KCNIP4: variants seen among roughly 807,000 people sequenced by gnomAD.
The protein encoded by KCNIP4 is potassium voltage-gated channel interacting protein 4, also known as Kv channel-interacting protein 4.
In KCNIP4, 12 loss-of-function variants were observed where a neutral mutation model predicts 34.0. That is an observed-to-expected ratio of 0.35 (90% CI 0.23 to 0.57). The LOEUF is 0.57. KCNIP4 is among the 20% of genes least tolerant of loss of function. The pLI, the probability that KCNIP4 is intolerant of heterozygous loss-of-function variation, is 0.83. For missense variants in KCNIP4, 238 were observed against 311.7 expected (o/e 0.76, Z 1.78); for synonymous variants, 124 against 102.2 (o/e 1.21, Z -1.29).
intron 1 of KCNIP4, among the ~76,000 whole-genome samples, chr4:21,137,052 A>G (rs190009243): frequency 8.5e-5 from 13 of 152,220 alleles, no homozygotes. Context: ...GAATTCATGA[A>G]CACATCAGGC....
At chr4:21,775,828 G>A (rs962018643) in intron 1 of KCNIP4, among the ~76,000 whole-genome samples, 6 of 152,216 alleles carry the variant, frequency 3.9e-5, no homozygotes, top group Non-Finnish European at 7.3e-5. Flanking sequence ...AGCACAGCCT[G>A]GAGCTATGGA....
At chr4:21,252,246 G>T (rs1760763666) in intron 1 of KCNIP4, among the ~76,000 whole-genome samples, 2 of 150,950 alleles carry the variant, frequency 1.3e-5, no homozygotes, top group African/African-American at 2.4e-5. Flanking sequence ...TTCTGCCTCA[G>T]CCTCCCGAGT....
chr4:21,738,869 A>T (rs1716202331), intron 1 of KCNIP4, among the ~76,000 whole-genome samples: 1 of 152,168 alleles, frequency 6.6e-6, no homozygotes, highest in Admixed American at 6.5e-5. Context: ...ATACATGATG[A>T]TCTATCATTA....
chr4:21,678,767 C>T (rs1750115298), intron 1 of KCNIP4, among the ~76,000 whole-genome samples: 1 of 152,156 alleles, frequency 6.6e-6, no homozygotes, highest in African/African-American at 2.4e-5. Flanking sequence ...TCTATCTTGA[C>T]TACTCTATTT....
chr4:21,332,281 C>T (rs11727207), intron 1 of KCNIP4, among the ~76,000 whole-genome samples: 54,238 of 151,532 alleles, frequency 0.36, 9,898 homozygotes, highest in Middle Eastern at 0.43. Context: ...CGGAAATTAA[C>T]CCAAGGATTC....
At chr4:21,696,247 T>C (rs1422362089) in intron 1 of KCNIP4, among the ~76,000 whole-genome samples, 5 of 152,148 alleles carry the variant, frequency 3.3e-5, no homozygotes, top group Admixed American at 2.0e-4. Context: ...TAATTGTATA[T>C]GCAGTTTAGT....
chr4:21,291,046 A>T (rs767573946), intron 1 of KCNIP4, among the ~76,000 whole-genome samples: 4 of 152,194 alleles, frequency 2.6e-5, no homozygotes, highest in Non-Finnish European at 4.4e-5. Flanking sequence ...TAGAGCAGGG[A>T]TTGTAGTCAG....
intron 1 of KCNIP4, among the ~76,000 whole-genome samples, chr4:21,045,120 T>C (rs556604917): frequency 6.6e-6 from 1 of 152,338 alleles, no homozygotes; most frequent in African/African-American, 2.4e-5. Context: ...TTTATTTTAC[T>C]TCATGCTCCT....
intron 1 of KCNIP4, among the ~76,000 whole-genome samples, chr4:21,113,304 C>T (rs933298692): frequency 2.0e-5 from 3 of 152,118 alleles, no homozygotes; most frequent in African/African-American, 4.8e-5. Context: ...GGCTGTAATT[C>T]AGCTGAGGCA....
intron 1 of KCNIP4, among the ~76,000 whole-genome samples, chr4:21,191,433 C>T (rs577096749): frequency 6.6e-6 from 1 of 152,292 alleles, no homozygotes; most frequent in South Asian, 2.1e-4. Flanking sequence ...TTTCCCAAAC[C>T]TTTTTATGCT....
rs544841522 is a variant in KCNIP4 at position 21,183,474 on chromosome 4, T to G, written c.62-300765A>C. Among the ~76,000 whole-genome samples the G allele has an allele frequency of 5.6e-3, 740 of 130,992 alleles. 6 individuals are homozygous for G. The highest frequency in any genetic ancestry group is 0.022 in the African/African-American group (685 of 30,872). The allele number at this position is 130,992 out of a possible 152,430, so 85.9% of individuals were successfully genotyped here. ...GTAATGGCTGTGTTGTTTTTGTTTT[T>G]TTTTTTTTTGGTTTTTGGAGACAGA... On this transcript the variant is annotated intron_variant, in intron 1 of 8. Coordinates refer to ENST00000382152, the MANE Select transcript of KCNIP4 (RefSeq NM_025221.6).
chr4:20,850,391 G>T, intron 3 of KCNIP4, 152 bp downstream of exon 3: 1 of 804,840 alleles, frequency 1.2e-6, no homozygotes, highest in Non-Finnish European at 2.0e-6. Context: ...AAAGTCCACA[G>T]ATACTGATTA....
intron 1 of KCNIP4, among the ~76,000 whole-genome samples, chr4:20,971,924 T>C (rs1464062363): frequency 1.3e-5 from 2 of 152,190 alleles, no homozygotes; most frequent in African/African-American, 4.8e-5. Flanking sequence ...TGCAGTATTC[T>C]AAATTCTTAG....
At chr4:20,898,530 T>C (rs1465804076) in intron 1 of KCNIP4, among the ~76,000 whole-genome samples, 1 of 152,192 alleles carries the variant, frequency 6.6e-6, no homozygotes, top group East Asian at 1.9e-4. Flanking sequence ...TTATCCATAG[T>C]ACCTATCATT....
At chr4:20,840,959 G>A (rs1433863696) in intron 3 of KCNIP4, among the ~76,000 whole-genome samples, 2 of 152,158 alleles carry the variant, frequency 1.3e-5, no homozygotes, top group Non-Finnish European at 2.9e-5. Context: ...CTACCAGATG[G>A]CGACTCTTGC....
intron 1 of KCNIP4, among the ~76,000 whole-genome samples, chr4:21,364,088 C>T (rs565285421): frequency 3.7e-4 from 56 of 152,138 alleles, no homozygotes; most frequent in African/African-American, 1.3e-3. Context: ...CTTGATGATC[C>T]CTCTTTTACA....
intron 1 of KCNIP4, among the ~76,000 whole-genome samples, chr4:21,020,529 T>C (rs189071202): frequency 1.1e-3 from 174 of 152,254 alleles, no homozygotes; most frequent in African/African-American, 3.6e-3. Context: ...CTTCATGACG[T>C]ACCCACCCTA....
intron 1 of KCNIP4, among the ~76,000 whole-genome samples, chr4:21,568,125 G>A (rs530796416): frequency 7.9e-5 from 12 of 152,194 alleles, no homozygotes; most frequent in East Asian, 3.9e-4. Context: ...AATTCAAATC[G>A]TATTATAATA....
At chr4:21,948,160 G>A (rs1379709967) in intron 1 of KCNIP4, among the ~76,000 whole-genome samples, 2 of 152,178 alleles carry the variant, frequency 1.3e-5, no homozygotes, top group Admixed American at 1.3e-4. Context: ...GTGGGGGCAT[G>A]AAGGAAAAGT....
Sources: gnomAD v4.1 joint callset for allele counts (sites outside exome capture counted in the v4.1 genomes callset) on GRCh38, gnomAD v4.1.1 for gene constraint, MANE v1.5 for transcripts, NCBI Gene and HGNC (gene_info 2026-07-23, HGNC 2026-07-21) for gene names.